The following MS4A15 variants were observed in gnomAD, a reference collection of about 807,000 sequenced individuals.
MS4A15 encodes membrane-spanning 4-domains subfamily A member 15.
A neutral mutation model predicts 20.6 loss-of-function variants in MS4A15; 22 were observed. That is an observed-to-expected ratio of 1.07 (90% CI 0.76 to 1.52). MS4A15 has a LOEUF of 1.52. Among genes scored for constraint, MS4A15 ranks in the 40% most tolerant of loss-of-function variants. The probability of loss-of-function intolerance (pLI) is 0.00; values close to 1 mark genes in which losing one functional copy is unlikely to be tolerated. For missense variants in MS4A15, 312 were observed against 323.0 expected (o/e 0.97, Z 0.26); for synonymous variants, 129 against 129.3 (o/e 1.00, Z 0.02).
In MS4A15 at chr11:60,773,963, AC is replaced by A. The variant is rs754418024; in HGVS notation, c.612+18del. On this transcript the variant is annotated intron_variant, in intron 6 of 6. Transcript: ENST00000405633. ...CCAGGCCAGTGCAGTGAGTACCCCC[AC>A]CCCCACCCCCACGTCCACTAAACCT... The A allele has an allele frequency of 6.6e-6, 8 of 1,216,790 alleles. No homozygotes were observed. The highest frequency in any genetic ancestry group is 7.7e-6 in the Non-Finnish European group (7 of 912,502). 75.4% of individuals were successfully genotyped at this position (1,216,790 alleles called of 1,614,324 possible). A position where few individuals can be genotyped will look rare whatever the true frequency, so the allele number is the denominator to read the frequency against.
At chr11:60,773,695 G>T in intron 5 of MS4A15, 142 bp from the exon 6 acceptor site, 1 of 808,644 alleles carries the variant, frequency 1.2e-6, no homozygotes. Flanking sequence ...AGGGGAGGGT[G>T]CAGGACTGGC....
At chr11:60,762,545 C>T (rs1853770654) in intron 1 of MS4A15, among the ~76,000 whole-genome samples, 1 of 152,186 alleles carries the variant, frequency 6.6e-6, no homozygotes, top group South Asian at 2.1e-4. Context: ...AATAGTTAAA[C>T]CCAAACACTT....
At chr11:60,767,411 T>C in intron 2 of MS4A15, 122 bp from the exon 3 acceptor site, 1 of 1,228,218 alleles carries the variant, frequency 8.1e-7, no homozygotes, top group Non-Finnish European at 1.1e-6. Context: ...GAACAGAATC[T>C]GAGTTTCTTT....
In MS4A15 at chr11:60,763,889, A is replaced by G. The variant is rs773531444; in HGVS notation, c.156A>G (p.Pro52=). The change falls in exon 2 of 7, where the codon CCA becomes CCG. Residue 52 remains proline (P), a synonymous_variant. Transcript: ENST00000405633. ...FEEPPLGAQT[P]RATQPPDLRP... ...AGCCACCGCTGGGGGCACAGACACC[A>G]AGGGCCACACAGCCACCTGACTTGC... The G allele has an allele frequency of 1.9e-6, 3 of 1,613,006 alleles. No homozygotes were observed. Among genetic ancestry groups the G allele is most frequent in the African/African-American group, 1.3e-5 (1 of 74,912 alleles).
At chr11:60,773,727 C>A in intron 5 of MS4A15, 110 bp from the exon 6 acceptor site, 1 of 951,062 alleles carries the variant, frequency 1.1e-6, no homozygotes, top group East Asian at 2.4e-5. Context: ...TGGCTCCAGG[C>A]ACAGCTCTGC....
chr11:60,757,347 C>T (rs1353683067), intron 1 of MS4A15, among the ~76,000 whole-genome samples: 1 of 152,042 alleles, frequency 6.6e-6, no homozygotes, highest in African/African-American at 2.4e-5. Flanking sequence ...GGTCATTTTA[C>T]TGAGGTTATT....
At chr11:60,763,641 G>A in intron 1 of MS4A15, 65 bp from the exon 2 acceptor site, 1 of 1,360,442 alleles carries the variant, frequency 7.4e-7, no homozygotes. Flanking sequence ...TAGGCACGTT[G>A]CTTATCAACT....
chr11:60,759,224 A>G (rs1252116130), intron 1 of MS4A15, among the ~76,000 whole-genome samples: 1 of 152,254 alleles, frequency 6.6e-6, no homozygotes, highest in Non-Finnish European at 1.5e-5. Context: ...GACGCTGTTA[A>G]CCTGTAACTT....
chr11:60,774,028 G>C, intron 6 of MS4A15, 78 bp downstream of exon 6: 1 of 1,118,382 alleles, frequency 8.9e-7, no homozygotes, highest in East Asian at 2.4e-5. Context: ...CTGGGAGCGC[G>C]CTCTGCCTCC....
chr11:60,758,122 C>G (rs1375015620), intron 1 of MS4A15, among the ~76,000 whole-genome samples: 1 of 152,090 alleles, frequency 6.6e-6, no homozygotes, highest in Non-Finnish European at 1.5e-5. Flanking sequence ...TGCAGCAGTC[C>G]TTGCAAAATT....
At chr11:60,771,231 A>G (rs2052467810) in intron 3 of MS4A15, 60 bp from the exon 4 acceptor site, 16 of 1,592,944 alleles carry the variant, frequency 1.0e-5, no homozygotes, top group Non-Finnish European at 1.4e-5. Flanking sequence ...GATCCCAAGC[A>G]GGGTCTGCCC....
At chr11:60,760,527 A>G (rs72912880) in intron 1 of MS4A15, among the ~76,000 whole-genome samples, 2,377 of 152,324 alleles carry the variant, frequency 0.016, 31 homozygotes, top group Non-Finnish European at 0.022. Context: ...CATGCCGGAG[A>G]AAAAACTAAA....
chr11:60,759,657 T>C (rs981054522), intron 1 of MS4A15, among the ~76,000 whole-genome samples: 1 of 151,874 alleles, frequency 6.6e-6, no homozygotes, highest in Admixed American at 6.6e-5. Context: ...CTATTCGTTC[T>C]ATTCTGAGAT....
intron 2 of MS4A15, 110 bp from the exon 3 acceptor site, chr11:60,767,423 C>T (rs910528790): frequency 2.3e-6 from 3 of 1,298,360 alleles, no homozygotes; most frequent in Admixed American, 3.4e-5. Flanking sequence ...AGTTTCTTTC[C>T]CAGTGGCCAA....
intron 4 of MS4A15, 187 bp downstream of exon 4, chr11:60,771,534 A>G (rs1854043645): frequency 3.3e-6 from 5 of 1,533,652 alleles, no homozygotes; most frequent in Admixed American, 2.0e-5. Flanking sequence ...GGAGAAGAAG[A>G]CAGGGATACT....
At chr11:60,768,103 G>C (rs570640584) in intron 3 of MS4A15, among the ~76,000 whole-genome samples, 1 of 152,338 alleles carries the variant, frequency 6.6e-6, no homozygotes, top group South Asian at 2.1e-4. Context: ...TGAGGCAGGT[G>C]AATCGCTTTA....
intron 3 of MS4A15, among the ~76,000 whole-genome samples, chr11:60,767,913 C>A (rs1338145534): frequency 1.3e-5 from 2 of 152,190 alleles, no homozygotes; most frequent in Non-Finnish European, 2.9e-5. Flanking sequence ...ACGGGAAAGG[C>A]GGGGCACGGT....
In MS4A15 at chr11:60,771,137, C is replaced by A. The variant is rs116203294; in HGVS notation, c.349-154C>A. 6.8e-3 allele frequency among the ~76,000 whole-genome samples: 1,031 copies of A among 152,312 alleles called. 12 individuals are homozygous for A. The highest frequency in any genetic ancestry group is 0.023 in the African/African-American group (971 of 41,554). ...GCCCTAGTTCTCTGGACAGGGGACA[C>A]CCCTGCCGAGAGACCCCAAGGTGCC... On this transcript the variant is annotated intron_variant, in intron 3 of 6. Coordinates refer to ENST00000405633, the MANE Select transcript of MS4A15 (RefSeq NM_001098835.2).
intron 1 of MS4A15, among the ~76,000 whole-genome samples, chr11:60,763,086 A>T (rs1853789764): frequency 6.6e-6 from 1 of 152,148 alleles, no homozygotes; most frequent in Non-Finnish European, 1.5e-5. Flanking sequence ...CTCGAGGCCC[A>T]CTCAGCTGGA....
Sources: gnomAD v4.1 joint callset for allele counts (sites outside exome capture counted in the v4.1 genomes callset) on GRCh38, gnomAD v4.1.1 for gene constraint, MANE v1.5 for transcripts, NCBI Gene and HGNC (gene_info 2026-07-23, HGNC 2026-07-21) for gene names.